The following EDIL3 variants were observed in gnomAD, a reference collection of about 807,000 sequenced individuals.
The protein encoded by EDIL3 is EGF like and discoidin domains 3.
EDIL3 carries 37 observed loss-of-function variants against 67.4 expected under a neutral mutation model. The observed-to-expected ratio is 0.55, with a 90% CI of 0.42 to 0.72. The LOEUF (loss-of-function observed/expected upper bound fraction) is 0.72. Among genes scored for constraint, EDIL3 ranks in the 30% least tolerant of loss-of-function variants. The probability of loss-of-function intolerance (pLI) is 0.00; values close to 1 mark genes in which losing one functional copy is unlikely to be tolerated. For synonymous variants in EDIL3, 195 were observed against 196.3 expected, an observed-to-expected ratio of 0.99 and a Z score of 0.05; for missense variants, 527 against 586.3, an observed-to-expected ratio of 0.90 and a Z score of 1.04.
At chr5:84,198,908 T>G (rs1417849314) in intron 3 of EDIL3, among the ~76,000 whole-genome samples, 3 of 152,104 alleles carry the variant, frequency 2.0e-5, no homozygotes, top group African/African-American at 7.2e-5. Context: ...TGAGATTGCC[T>G]GGGCTATAAG....
intron 9 of EDIL3, among the ~76,000 whole-genome samples, chr5:84,029,398 G>A (rs1451306035): frequency 6.6e-6 from 1 of 152,156 alleles, no homozygotes; most frequent in Admixed American, 6.6e-5. Flanking sequence ...CAGCCATGTG[G>A]AACTCTAAGT....
intron 2 of EDIL3, among the ~76,000 whole-genome samples, chr5:84,235,079 C>T (rs1481466011): frequency 6.6e-5 from 10 of 152,044 alleles, no homozygotes; most frequent in Admixed American, 6.6e-4. Context: ...GAGTTGCCTG[C>T]GGACGTATCC....
At chr5:84,128,115 C>A (rs182349660) in intron 5 of EDIL3, among the ~76,000 whole-genome samples, 5 of 152,026 alleles carry the variant, frequency 3.3e-5, no homozygotes, top group Non-Finnish European at 7.4e-5. Context: ...TGTGCTGATT[C>A]AGTTGAAAAC....
intron 1 of EDIL3, among the ~76,000 whole-genome samples, chr5:84,312,571 ACCAC>A (rs1580071705): frequency 7.8e-6 from 1 of 128,830 alleles, no homozygotes; most frequent in East Asian, 2.4e-4. Context: ...TGACTCCCCC[ACCAC>A]CCTCCCGGAC....
chr5:84,299,714 C>T (rs1746119719), intron 1 of EDIL3, among the ~76,000 whole-genome samples: 1 of 152,076 alleles, frequency 6.6e-6, no homozygotes, highest in African/African-American at 2.4e-5. Context: ...TAGTAATTGC[C>T]TTTGTTTTAA....
intron 3 of EDIL3, among the ~76,000 whole-genome samples, chr5:84,219,514 A>G (rs550795569): frequency 1.3e-5 from 2 of 152,280 alleles, no homozygotes; most frequent in South Asian, 2.1e-4. Flanking sequence ...TGTTGGTGGG[A>G]ATGTATTTAT....
intron 9 of EDIL3, among the ~76,000 whole-genome samples, chr5:84,040,961 A>G (rs1746109637): frequency 6.6e-6 from 1 of 151,952 alleles, no homozygotes; most frequent in African/African-American, 2.4e-5. Context: ...GCAAAACCCT[A>G]TCTCTACAAA....
At chr5:84,286,645 T>C (rs528907392) in intron 1 of EDIL3, among the ~76,000 whole-genome samples, 11 of 152,334 alleles carry the variant, frequency 7.2e-5, no homozygotes, top group African/African-American at 2.4e-4. Flanking sequence ...ATTTTACTTT[T>C]TGTATACTTT....
chr5:83,987,440 T>C (rs758045484), intron 9 of EDIL3, among the ~76,000 whole-genome samples: 2 of 152,190 alleles, frequency 1.3e-5, no homozygotes, highest in African/African-American at 2.4e-5. Flanking sequence ...ATCTTTAATT[T>C]CTGGTGACAT....
intron 1 of EDIL3, among the ~76,000 whole-genome samples, chr5:84,336,266 G>A (rs1020721774): frequency 1.3e-5 from 2 of 152,192 alleles, no homozygotes; most frequent in Admixed American, 1.3e-4. Context: ...AAGTCTACAT[G>A]TAGTTGAAGA....
intron 9 of EDIL3, among the ~76,000 whole-genome samples, chr5:83,995,102 T>C (rs1455707802): frequency 1.3e-5 from 2 of 151,696 alleles, no homozygotes; most frequent in African/African-American, 4.8e-5. Context: ...TCAGTGACAC[T>C]TGAAAAAACA....
At chr5:84,027,195 A>G (rs1342460244) in intron 9 of EDIL3, among the ~76,000 whole-genome samples, 1 of 152,244 alleles carries the variant, frequency 6.6e-6, no homozygotes, top group African/African-American at 2.4e-5. Context: ...TATATACAAT[A>G]TAAAGACATT....
intron 2 of EDIL3, among the ~76,000 whole-genome samples, chr5:84,233,125 C>T (rs1744615032): frequency 6.6e-6 from 1 of 152,002 alleles, no homozygotes; most frequent in African/African-American, 2.4e-5. Flanking sequence ...GTGTATTGCT[C>T]CACTTGGTCA....
chr5:84,008,894 C>T (rs1463383228), intron 9 of EDIL3, among the ~76,000 whole-genome samples: 1 of 152,156 alleles, frequency 6.6e-6, no homozygotes, highest in Non-Finnish European at 1.5e-5. Context: ...CTCACTGCAA[C>T]CTCCGCCTCC....
At chr5:83,982,607 A>T (rs1194689383) in intron 9 of EDIL3, among the ~76,000 whole-genome samples, 1 of 152,104 alleles carries the variant, frequency 6.6e-6, no homozygotes, top group Non-Finnish European at 1.5e-5. Flanking sequence ...TCTTTGTAGT[A>T]GAGTTGACTT....
rs1179765780 is a variant in EDIL3 at position 84,288,660 on chromosome 5, A to G, written c.68-34448T>C. 4.6e-5 allele frequency among the ~76,000 whole-genome samples: 7 copies of G among 152,284 alleles called. No individual in the cohort carries two copies. The South Asian group carries it at 8.3e-4, about 18-fold the overall frequency. ...TGTTTGGAATGCTTTTGCTCCAAGC[A>G]AGAGTCTCATCTTCCTTAAGTCTTT... On this transcript the variant is annotated intron_variant, in intron 1 of 10. Coordinates refer to ENST00000296591, the MANE Select transcript of EDIL3 (RefSeq NM_005711.5).
chr5:84,045,298 C>T lies in EDIL3; in HGVS notation c.1137+15002G>A, dbSNP rs562277818. ...CAGCCAAACCATATCAGTAGATAAA[C>T]CAATCAACAAGCAACCAGCAAAGCT... is the stretch of plus-strand genomic sequence containing the variant. On this transcript the variant is annotated intron_variant, in intron 9 of 10. Coordinates refer to ENST00000296591, the MANE Select transcript of EDIL3 (RefSeq NM_005711.5). Among the ~76,000 whole-genome samples, 12 of 152,142 alleles carry T rather than the reference C, an allele frequency of 7.9e-5. No individual in the cohort carries two copies. The East Asian group carries it at 2.3e-3, about 30-fold the overall frequency.
intron 1 of EDIL3, among the ~76,000 whole-genome samples, chr5:84,272,428 A>C (rs561821866): frequency 6.6e-6 from 1 of 152,108 alleles, no homozygotes; most frequent in Admixed American, 6.6e-5. Context: ...GGAGGTTTTA[A>C]CTTATTTATC....
At chr5:84,223,896 A>G (rs1395852331) in intron 3 of EDIL3, among the ~76,000 whole-genome samples, 1 of 151,452 alleles carries the variant, frequency 6.6e-6, no homozygotes, top group East Asian at 1.9e-4. Context: ...TTATACAAAA[A>G]AGAACAAAAT....
Sources: gnomAD v4.1 joint callset for allele counts (sites outside exome capture counted in the v4.1 genomes callset) on GRCh38, gnomAD v4.1.1 for gene constraint, MANE v1.5 for transcripts, NCBI Gene and HGNC (gene_info 2026-07-23, HGNC 2026-07-21) for gene names.